The following MICU1 variants were observed in gnomAD, a reference collection of about 807,000 sequenced individuals.
MICU1 encodes mitochondrial calcium uptake 1.
A neutral mutation model predicts 56.8 loss-of-function variants in MICU1; 45 were observed. The observed-to-expected ratio is 0.79, with a 90% confidence interval of 0.62 to 1.02. MICU1 has a LOEUF of 1.02. Ranked by LOEUF, MICU1 falls within the 50% of genes least tolerant of loss-of-function variation. The pLI, the probability that MICU1 is intolerant of heterozygous loss-of-function variation, is 0.00. For synonymous variants in MICU1, 186 were observed against 195.1 expected (o/e 0.95, Z 0.39); for missense variants, 504 against 587.1 (o/e 0.86, Z 1.46).
At chr10:72,593,887 A>G (rs1841297965) in intron 1 of MICU1, among the ~76,000 whole-genome samples, 1 of 152,238 alleles carries the variant, frequency 6.6e-6, no homozygotes, top group South Asian at 2.1e-4. Flanking sequence ...ATAAGTAGAA[A>G]CATACCCCAA....
At chr10:72,412,627 G>A (rs548278841) in intron 9 of MICU1, among the ~76,000 whole-genome samples, 39 of 152,116 alleles carry the variant, frequency 2.6e-4, no homozygotes, top group Non-Finnish European at 5.3e-4. Context: ...GAGGCGGCTC[G>A]ATCACCTGAG....
chr10:72,529,937 G>A lies in MICU1; in HGVS notation c.537+3809C>T, dbSNP rs1839425207. On this transcript the variant is annotated intron_variant, in intron 5 of 11. Transcript: ENST00000361114. ...TGTTAGCAGAATACATGGATACTAG[G>A]GGAAGGTGCTTTTTTTTTTTTTTTT... 2.0e-5 allele frequency among the ~76,000 whole-genome samples: 3 copies of A among 146,528 alleles called. No homozygotes were observed. In the Admixed American group the frequency reaches 2.1e-4, roughly 10 times the overall value.
chr10:72,500,265 T>TAC (rs1866984843), intron 6 of MICU1, among the ~76,000 whole-genome samples: 2 of 15,328 alleles, frequency 1.3e-4, no homozygotes, highest in South Asian at 5.3e-3. Context: ...TACATACATA[T>TAC]ATATATATAT....
Position 72,494,749 on chromosome 10 carries a change from G to A in MICU1, c.652+13406C>T, listed in dbSNP as rs368921909. Among the ~76,000 whole-genome samples the A allele has an allele frequency of 3.3e-5, 5 of 151,370 alleles. No individual in the cohort carries two copies. In the East Asian group the frequency reaches 5.8e-4, roughly 18 times the overall value. The stretch of plus-strand genomic sequence containing the variant: ...GTGAGACTTTTCTTGAATTCCTCCA[G>A]CAAGGCTTCGGCTATACAGGCATTT... On this transcript the variant is annotated intron_variant, in intron 6 of 11. Transcript: ENST00000361114.
intron 5 of MICU1, among the ~76,000 whole-genome samples, chr10:72,512,422 T>G (rs1358248760): frequency 1.3e-5 from 2 of 152,108 alleles, no homozygotes; most frequent in Non-Finnish European, 2.9e-5. Flanking sequence ...ACACAGCTCC[T>G]TAAGCCATAC....
rs576550528 is a variant in MICU1, at chr10:72,522,880, C to G, written c.537+10866G>C. Among the ~76,000 whole-genome samples the G allele has an allele frequency of 5.3e-5, 8 of 152,264 alleles. No individual in the cohort carries two copies. In the East Asian group the frequency reaches 1.5e-3, roughly 29 times the overall value. On this transcript the variant is annotated intron_variant, in intron 5 of 11. Coordinates refer to ENST00000361114, the MANE Select transcript of MICU1 (RefSeq NM_001195518.2). Reference sequence around the variant, plus strand: ...TAGAACACAATGTAGGTAAACAATTCTCCCACTACCTAAGAAAAAGGTTTA... The same window carrying G: ...TAGAACACAATGTAGGTAAACAATTGTCCCACTACCTAAGAAAAAGGTTTA...
chr10:72,369,870 G>A (rs113800342), intron 11 of MICU1, among the ~76,000 whole-genome samples: 1,843 of 150,760 alleles, frequency 0.012, 37 homozygotes, highest in African/African-American at 0.043. Context: ...CACCATGCCC[G>A]GCTAATTTTT....
intron 10 of MICU1, among the ~76,000 whole-genome samples, chr10:72,399,799 C>A (rs1032296909): frequency 9.4e-4 from 143 of 151,750 alleles, no homozygotes; most frequent in African/African-American, 3.2e-3. Flanking sequence ...CCCATCTCTA[C>A]TAAAAATACA....
chr10:72,449,279 T>C (rs1385489103), intron 8 of MICU1, among the ~76,000 whole-genome samples: 1 of 151,998 alleles, frequency 6.6e-6, no homozygotes, highest in Admixed American at 6.6e-5. Context: ...GTGCCTGTAA[T>C]CCCAGCCACT....
intron 1 of MICU1, among the ~76,000 whole-genome samples, chr10:72,622,099 T>C (rs1272712030): frequency 6.6e-6 from 1 of 151,942 alleles, no homozygotes; most frequent in Non-Finnish European, 1.5e-5. Flanking sequence ...GTATGTTTGT[T>C]TTTTTAGTAG....
At chr10:72,371,881 C>A (rs1402572395) in intron 11 of MICU1, among the ~76,000 whole-genome samples, 3 of 151,816 alleles carry the variant, frequency 2.0e-5, no homozygotes, top group African/African-American at 7.3e-5. Context: ...TATAGTGAGA[C>A]CCTGTCTCTA....
chr10:72,613,269 A>ATTTT (rs34740619), intron 1 of MICU1, among the ~76,000 whole-genome samples: 3 of 129,362 alleles, frequency 2.3e-5, no homozygotes, highest in Admixed American at 8.1e-5. Flanking sequence ...TTTACCCCTA[A>ATTTT]TTTTTTTTTT....
chr10:72,601,062 A>T (rs1202603331), intron 1 of MICU1, among the ~76,000 whole-genome samples: 1 of 152,166 alleles, frequency 6.6e-6, no homozygotes, highest in African/African-American at 2.4e-5. Context: ...TCTGGTGTGA[A>T]GAAAATGTTC....
intron 8 of MICU1, among the ~76,000 whole-genome samples, chr10:72,436,384 G>A (rs1427584497): frequency 2.0e-5 from 3 of 152,024 alleles, no homozygotes; most frequent in African/African-American, 4.8e-5. Flanking sequence ...CAAAAAGGAC[G>A]TCCACACCAA....
At chr10:72,473,566 C>T (rs532487730) in intron 8 of MICU1, among the ~76,000 whole-genome samples, 8 of 152,130 alleles carry the variant, frequency 5.3e-5, no homozygotes, top group African/African-American at 9.7e-5. Flanking sequence ...TCAGGGCACA[C>T]TCACACACAC....
chr10:72,595,954 G>A (rs1257429243), intron 1 of MICU1, among the ~76,000 whole-genome samples: 1 of 151,490 alleles, frequency 6.6e-6, no homozygotes, highest in Admixed American at 6.6e-5. Context: ...ACACAGTGAG[G>A]AGACTGTCTC....
chr10:72,598,603 C>A (rs2132542037), intron 1 of MICU1, among the ~76,000 whole-genome samples: 1 of 152,036 alleles, frequency 6.6e-6, no homozygotes, highest in African/African-American at 2.4e-5. Context: ...CAGATTAGCT[C>A]AATCAAATAT....
rs1371601088 is a variant in MICU1, at chr10:72,533,746, C to T, written c.537G>A (p.Lys179=). 4 of 1,600,910 alleles carry T rather than the reference C, an allele frequency of 2.5e-6. No individual in the cohort carries two copies. The highest frequency in any genetic ancestry group is 3.4e-6 in the Non-Finnish European group (4 of 1,172,296). Residue 179 remains lysine, a splice_region_variant and synonymous_variant, in exon 5 of 12, where the codon AAG becomes AAA. Coordinates refer to ENST00000361114, the MANE Select transcript of MICU1 (RefSeq NM_001195518.2). ...TATAGAAGTGTCATAGTTTGCTCAC[C>T]TTTCCATCAAAGCGTTTTATTATAT... ...DQYIIKRFDG[K]KISQEREKFA...
chr10:72,392,135 C>A (rs796514967), intron 10 of MICU1: 1 of 152,120 alleles, frequency 6.6e-6, no homozygotes, highest in Non-Finnish European at 1.5e-5. Context: ...TATAAAAATA[C>A]TATGCAACCG....
Sources: allele counts gnomAD v4.1 joint callset (sites outside exome capture counted in the v4.1 genomes callset), GRCh38; gene constraint gnomAD v4.1.1; transcripts MANE v1.5; gene names NCBI Gene and HGNC (gene_info 2026-07-23, HGNC 2026-07-21).